The following BAIAP2L1 variants were observed in gnomAD, a reference collection of about 807,000 sequenced individuals.
BAIAP2L1 encodes BAR/IMD domain containing adaptor protein 2 like 1.
In BAIAP2L1, 35 loss-of-function variants were observed where a neutral mutation model predicts 66.3. That is an observed-to-expected ratio of 0.53 (90% CI 0.40 to 0.70). The LOEUF is 0.70. BAIAP2L1 is among the 30% of genes least tolerant of loss of function. The pLI is 0.00. For missense variants in BAIAP2L1, 622 were observed against 656.9 expected, an observed-to-expected ratio of 0.95 and a Z score of 0.58; for synonymous variants, 269 against 248.7, an observed-to-expected ratio of 1.08 and a Z score of -0.77.
chr7:98,380,118 C>G (rs1802721322), intron 1 of BAIAP2L1, among the ~76,000 whole-genome samples: 1 of 150,862 alleles, frequency 6.6e-6, no homozygotes, highest in Admixed American at 6.6e-5. Context: ...CACTCTGTCA[C>G]CCAGGCTGGA....
At chr7:98,361,336 G>A (rs1338882560) in intron 2 of BAIAP2L1, among the ~76,000 whole-genome samples, 4 of 151,200 alleles carry the variant, frequency 2.6e-5, no homozygotes, top group South Asian at 2.1e-4. Flanking sequence ...CAGCCTGGGC[G>A]ACAGAGCAAG....
chr7:98,357,047 ATATTT>A (rs1279212576), intron 2 of BAIAP2L1, among the ~76,000 whole-genome samples: 78 of 16,474 alleles, frequency 4.7e-3, no homozygotes, highest in Middle Eastern at 0.042. Flanking sequence ...ATATATATAT[ATATTT>A]TTTTTTTTTT....
intron 3 of BAIAP2L1, among the ~76,000 whole-genome samples, chr7:98,345,628 G>C (rs2115654200): frequency 6.6e-6 from 1 of 152,170 alleles, no homozygotes; most frequent in Non-Finnish European, 1.5e-5. Context: ...GGGAGGCTGA[G>C]GGACGAGAAT....
At chr7:98,346,326 T>A (rs1441171588) in intron 3 of BAIAP2L1, among the ~76,000 whole-genome samples, 1 of 152,108 alleles carries the variant, frequency 6.6e-6, no homozygotes, top group Admixed American at 6.6e-5. Flanking sequence ...AGGAGGAGAC[T>A]TCCACAATAA....
intron 3 of BAIAP2L1, among the ~76,000 whole-genome samples, chr7:98,347,753 G>A (rs562705098): frequency 5.9e-5 from 9 of 151,984 alleles, no homozygotes; most frequent in South Asian, 4.2e-4. Flanking sequence ...CTGTCTGCCC[G>A]GGCGACAGAG....
intron 11 of BAIAP2L1, among the ~76,000 whole-genome samples, chr7:98,305,047 GTTTTTT>G (rs59633894): frequency 2.9e-4 from 29 of 100,380 alleles, no homozygotes; most frequent in Admixed American, 1.2e-3. Flanking sequence ...TTTGTTTTTT[GTTTTTT>G]TTTTTTTTTT....
intron 3 of BAIAP2L1, among the ~76,000 whole-genome samples, chr7:98,330,982 A>G (rs1401512600): frequency 6.6e-6 from 1 of 152,186 alleles, no homozygotes; most frequent in African/African-American, 2.4e-5. Context: ...AGTGGGGGTC[A>G]CATTTCAACA....
intron 3 of BAIAP2L1, among the ~76,000 whole-genome samples, chr7:98,346,388 C>T (rs1562778728): frequency 1.3e-5 from 2 of 152,108 alleles, no homozygotes; most frequent in African/African-American, 2.4e-5. Context: ...TAAATGAAAG[C>T]ATCTACCATT....
chr7:98,334,065 A>T (rs1049809775), intron 3 of BAIAP2L1, among the ~76,000 whole-genome samples: 3 of 152,048 alleles, frequency 2.0e-5, no homozygotes, highest in Non-Finnish European at 4.4e-5. Flanking sequence ...TACATTTCTA[A>T]ACTTCCCGGG....
At chr7:98,381,896 A>ACC (rs978343093) in intron 1 of BAIAP2L1, among the ~76,000 whole-genome samples, 1 of 147,730 alleles carries the variant, frequency 6.8e-6, no homozygotes, top group African/African-American at 2.5e-5. Context: ...TCCCAGAGCT[A>ACC]CCCCCACCCA....
chr7:98,355,556 C>CAA (rs60113566), intron 2 of BAIAP2L1: 3,349 of 116,456 alleles, frequency 0.029, 170 homozygotes, highest in African/African-American at 0.099. Context: ...CCCGCCTCTA[C>CAA]AAAAAAAAAA....
At chr7:98,355,536 A>G (rs1334505261) in intron 2 of BAIAP2L1, 1 of 147,614 alleles carries the variant, frequency 6.8e-6, no homozygotes, top group Non-Finnish European at 1.5e-5. Context: ...CCTGGGCAAC[A>G]TGGTAAAACC....
chr7:98,294,050 G>A (rs1353644166), intron 13 of BAIAP2L1, 24 bp downstream of exon 13: 5 of 1,612,462 alleles, frequency 3.1e-6, no homozygotes, highest in South Asian at 2.2e-5. Flanking sequence ...ACACACTGAG[G>A]CTCACGTAGG....
At chr7:98,302,470 G>A (rs1363697837) in intron 12 of BAIAP2L1, among the ~76,000 whole-genome samples, 1 of 152,188 alleles carries the variant, frequency 6.6e-6, no homozygotes, top group Non-Finnish European at 1.5e-5. Context: ...GTCCACACGT[G>A]CCTCCTCACT....
intron 11 of BAIAP2L1, among the ~76,000 whole-genome samples, chr7:98,305,041 T>TTG (rs1800592157): frequency 8.7e-6 from 1 of 115,024 alleles, no homozygotes; most frequent in African/African-American, 4.1e-5. Context: ...AATTTTTTTG[T>TTG]TTTTTGTTTT....
chr7:98,300,000 C>G (rs909300207), intron 12 of BAIAP2L1, among the ~76,000 whole-genome samples: 1 of 152,154 alleles, frequency 6.6e-6, no homozygotes, highest in Non-Finnish European at 1.5e-5. Flanking sequence ...AAGATCATGC[C>G]ACTGCACTCC....
chr7:98,356,727 A>G (rs1027012474), intron 2 of BAIAP2L1, among the ~76,000 whole-genome samples: 1 of 149,342 alleles, frequency 6.7e-6, no homozygotes, highest in African/African-American at 2.5e-5. Context: ...CTGTACTCCT[A>G]GCATTTTGCG....
rs534528253 is a variant in BAIAP2L1 at position 98,348,126 on chromosome 7, T to TA, written c.214+6915dup. Among the ~76,000 whole-genome samples, 180 of 151,628 alleles carry TA rather than the reference T, an allele frequency of 1.2e-3. 1 individual carries two copies. The highest frequency in any genetic ancestry group is 4.1e-3 in the African/African-American group (167 of 41,228). On this transcript the variant is annotated intron_variant, in intron 3 of 13. Coordinates refer to ENST00000005260, the MANE Select transcript of BAIAP2L1 (RefSeq NM_018842.5). ...CGTTCTTCACATGTATCCCAGAACT[T>TA]AAAGTATAATAAAAAAAAGAAATGA...
At chr7:98,350,153 TAGAA>T (rs1408187376) in intron 3 of BAIAP2L1, among the ~76,000 whole-genome samples, 1 of 151,372 alleles carries the variant, frequency 6.6e-6, no homozygotes, top group African/African-American at 2.4e-5. Flanking sequence ...AAAACAAGGC[TAGAA>T]AGAAAGACAA....
Sources: allele counts gnomAD v4.1 joint callset (sites outside exome capture counted in the v4.1 genomes callset), GRCh38; gene constraint gnomAD v4.1.1; transcripts MANE v1.5; gene names NCBI Gene and HGNC (gene_info 2026-07-23, HGNC 2026-07-21).